Variants in FRAS1 observed in about 807,000 individuals in gnomAD.
FRAS1 encodes Fraser extracellular matrix complex subunit 1.
In FRAS1, 290 loss-of-function variants were observed where a neutral mutation model predicts 435.2. The observed-to-expected ratio is 0.67, with a 90% CI of 0.61 to 0.73. The LOEUF is 0.73. Ranked by LOEUF, FRAS1 falls within the 30% of genes least tolerant of loss-of-function variation. The probability of loss-of-function intolerance (pLI) is 0.00; values close to 1 mark genes in which losing one functional copy is unlikely to be tolerated. For missense variants in FRAS1, 4,860 were observed against 5,001.5 expected, an observed-to-expected ratio of 0.97 and a Z score of 0.85; for synonymous variants, 1,800 against 1,851.0, an observed-to-expected ratio of 0.97 and a Z score of 0.71.
chr4:78,401,957 G>T (rs2110346664), intron 30 of FRAS1, among the ~76,000 whole-genome samples: 1 of 151,930 alleles, frequency 6.6e-6, no homozygotes, highest in Non-Finnish European at 1.5e-5. Context: ...AACCAATGAA[G>T]CTCAGAATTT....
chr4:78,149,890 CTT>C (rs1196788428), intron 2 of FRAS1, among the ~76,000 whole-genome samples: 1 of 152,154 alleles, frequency 6.6e-6, no homozygotes, highest in Non-Finnish European at 1.5e-5. Flanking sequence ...CCTTCAACCT[CTT>C]GGCTGTGAGG....
chr4:78,153,334 C>T (rs1474578502), intron 2 of FRAS1, among the ~76,000 whole-genome samples: 1 of 151,994 alleles, frequency 6.6e-6, no homozygotes, highest in Non-Finnish European at 1.5e-5. Flanking sequence ...CAGAATGGGG[C>T]CGGGAATATG....
intron 6 of FRAS1, among the ~76,000 whole-genome samples, chr4:78,258,069 GGTGGTTCATGCTT>G (rs1725871051): frequency 6.6e-6 from 1 of 152,170 alleles, no homozygotes; most frequent in South Asian, 2.1e-4. Context: ...AGCCAGGCAT[GGTGGTTCATGCTT>G]GTGATCCCAG....
rs1396435514 is a variant in FRAS1 at position 78,088,455 on chromosome 4, G to A, written c.108+22439G>A. Among the ~76,000 whole-genome samples the A allele has an allele frequency of 2.0e-5, 3 of 151,426 alleles. No individual in the cohort carries two copies. In the East Asian group the frequency reaches 5.8e-4, roughly 29 times the overall value. ...GATCTAATTAAACTAAGGAGCTTCT[G>A]CACAGCAAAAGAAACTACCATCAGA... is the stretch of plus-strand genomic sequence containing the variant. On this transcript the variant is annotated intron_variant, in intron 2 of 73. Transcript: ENST00000512123.
chr4:78,263,266 C>T (rs1354767474), intron 6 of FRAS1, among the ~76,000 whole-genome samples: 2 of 152,162 alleles, frequency 1.3e-5, no homozygotes, highest in Non-Finnish European at 2.9e-5. Context: ...TCTCTTGTTT[C>T]CTGAAAATTT....
At position 78,292,185 on chromosome 4, in the gene FRAS1, C is replaced by A. The variant is rs905247532; in HGVS notation, c.1534+5646C>A. ...TCATTAAGTAACAAAAAGCTTTCTG[C>A]CATTAATGTCTCATCTAAATAAAAT... is the stretch of plus-strand genomic sequence containing the variant. On this transcript the variant is annotated intron_variant, in intron 14 of 73. Transcript: ENST00000512123. Among the ~76,000 whole-genome samples, 6 of 152,010 alleles carry A rather than the reference C, an allele frequency of 3.9e-5. No homozygotes were observed. In the East Asian group the frequency reaches 9.6e-4, roughly 24 times the overall value.
intron 14 of FRAS1, among the ~76,000 whole-genome samples, chr4:78,290,940 A>G (rs1727867447): frequency 7.0e-6 from 1 of 142,242 alleles, no homozygotes; most frequent in Admixed American, 7.2e-5. Flanking sequence ...CTAATTTTGT[A>G]TTTTTAATAG....
At chr4:78,373,986 A>G (rs1198288427) in intron 24 of FRAS1, 125 bp from the exon 25 acceptor site, 4 of 821,814 alleles carry the variant, frequency 4.9e-6, no homozygotes, top group Non-Finnish European at 7.1e-6. Flanking sequence ...TTGACTCTTC[A>G]TATGGTCCTT....
chr4:78,206,199 G>A (rs1723248899), intron 2 of FRAS1, among the ~76,000 whole-genome samples: 1 of 152,038 alleles, frequency 6.6e-6, no homozygotes, highest in Non-Finnish European at 1.5e-5. Flanking sequence ...TAATCATTAG[G>A]GTCCTTTTGG....
intron 41 of FRAS1, among the ~76,000 whole-genome samples, chr4:78,442,164 C>T (rs1734685387): frequency 1.3e-5 from 2 of 152,264 alleles, no homozygotes; most frequent in Non-Finnish European, 2.9e-5. Flanking sequence ...TGTTTTCCTA[C>T]AGAAGTTTTG....
At chr4:78,461,956 G>GCGAC (rs150595274) in intron 47 of FRAS1, among the ~76,000 whole-genome samples, 22,838 of 152,204 alleles carry the variant, frequency 0.15, 2,052 homozygotes, top group Non-Finnish European at 0.22. Flanking sequence ...GTTGGGGTAG[G>GCGAC]CGACGGGAAA....
chr4:78,130,142 GTACT>G (rs1473622773), intron 2 of FRAS1, among the ~76,000 whole-genome samples: 1 of 151,976 alleles, frequency 6.6e-6, no homozygotes, highest in East Asian at 1.9e-4. Flanking sequence ...TCTCTACCTT[GTACT>G]TACTTCTGTG....
intron 33 of FRAS1, 109 bp from the exon 34 acceptor site, chr4:78,421,754 C>T (rs192870841): frequency 1.4e-5 from 18 of 1,278,126 alleles, no homozygotes; most frequent in Middle Eastern, 1.9e-4. Context: ...AGTCAGTTTC[C>T]GAAGAATGTC....
chr4:78,128,719 A>C (rs78940358), intron 2 of FRAS1, among the ~76,000 whole-genome samples: 7 of 151,758 alleles, frequency 4.6e-5, no homozygotes, highest in Non-Finnish European at 7.4e-5. Context: ...GTTCGCTCTG[A>C]TGGTAGTTTC....
chr4:78,181,251 T>C (rs1721987248), intron 2 of FRAS1: 1 of 1,609,682 alleles, frequency 6.2e-7, no homozygotes, highest in Non-Finnish European at 8.5e-7. Flanking sequence ...CCCTCCTCTT[T>C]TACCTCTTCA....
intron 2 of FRAS1, among the ~76,000 whole-genome samples, chr4:78,158,011 T>C (rs1372578975): frequency 6.6e-6 from 1 of 152,166 alleles, no homozygotes; most frequent in African/African-American, 2.4e-5. Flanking sequence ...AAATTCTCTG[T>C]TTGGTTCCAC....
intron 20 of FRAS1, among the ~76,000 whole-genome samples, chr4:78,354,581 C>T (rs1286819134): frequency 1.3e-5 from 2 of 152,132 alleles, no homozygotes; most frequent in Admixed American, 6.6e-5. Flanking sequence ...AATTCAAATT[C>T]TATGCCCTTT....
chr4:78,364,696 T>G (rs1731196851), intron 22 of FRAS1, among the ~76,000 whole-genome samples: 1 of 152,238 alleles, frequency 6.6e-6, no homozygotes, highest in Admixed American at 6.5e-5. Context: ...AATTAAGATA[T>G]ACTTCACAGA....
chr4:78,461,930 T>A (rs1254223256), intron 47 of FRAS1, among the ~76,000 whole-genome samples: 1 of 151,796 alleles, frequency 6.6e-6, no homozygotes, highest in South Asian at 2.1e-4. Flanking sequence ...AGAAAGCGAT[T>A]CATTGGTCGC....
Sources: allele counts gnomAD v4.1 joint callset (sites outside exome capture counted in the v4.1 genomes callset), GRCh38; gene constraint gnomAD v4.1.1; transcripts MANE v1.5; gene names NCBI Gene and HGNC (gene_info 2026-07-23, HGNC 2026-07-21).